SMTNL2: variants seen among roughly 807,000 people sequenced by gnomAD.
The protein encoded by SMTNL2 is smoothelin like 2, also known as smoothelin-like protein 2.
Under a neutral mutation model 44.1 loss-of-function variants are expected in SMTNL2, and 43 were observed. That is an observed-to-expected ratio of 0.98 (90% CI 0.76 to 1.26). The LOEUF (loss-of-function observed/expected upper bound fraction) is 1.26. Ranked by LOEUF, SMTNL2 falls within the 50% of genes most tolerant of loss-of-function variation. The probability of loss-of-function intolerance (pLI) is 0.00; values close to 1 mark genes in which losing one functional copy is unlikely to be tolerated. For synonymous variants in SMTNL2, 317 were observed against 287.6 expected, an observed-to-expected ratio of 1.10 and a Z score of -1.03; for missense variants, 646 against 670.2, an observed-to-expected ratio of 0.96 and a Z score of 0.40.
chr17:4,584,828 G>C lies in SMTNL2; in HGVS notation c.223G>C (p.Glu75Gln), dbSNP rs1290866008. 7 of 1,327,346 alleles carry C rather than the reference G, an allele frequency of 5.3e-6. No homozygotes were observed. Among genetic ancestry groups the C allele is most frequent in the Non-Finnish European group, 6.7e-6 (7 of 1,039,794 alleles). 82.2% of individuals were successfully genotyped at this position (1,327,346 alleles called of 1,614,324 possible). A position where few individuals can be genotyped will look rare whatever the true frequency, so the allele number is the denominator to read the frequency against. ...RDNQRLQAQL[E>Q]RLTRQVEALG... The stretch of plus-strand genomic sequence containing the variant: ...CAACCAGCGGCTGCAGGCGCAGCTC[G>C]AGCGCCTGACGCGCCAGGTGGAGGC... The change falls in exon 1 of 8, where the codon GAG (glutamate) becomes CAG (glutamine). Residue 75 changes from glutamate to glutamine, a missense_variant. By Grantham distance (29) the Glu-to-Gln change is conservative. Coordinates refer to ENST00000389313, the MANE Select transcript of SMTNL2 (RefSeq NM_001114974.2).
Position 4,592,679 on chromosome 17 carries a change from A to G in SMTNL2, c.487+231A>G, listed in dbSNP as rs1204526272. Reference sequence around the variant, plus strand: ...AGTGAGCTCTCCTGTTTCTAGAGGAAAGCAAATAGAGGCTGAGGAGCCGAC... The same window carrying G: ...AGTGAGCTCTCCTGTTTCTAGAGGAGAGCAAATAGAGGCTGAGGAGCCGAC... On this transcript the variant is annotated intron_variant, in intron 2 of 7. Transcript: ENST00000389313. The surrounding 1 kb of genome is among the most constrained non-coding windows in gnomAD (Gnocchi z 4.5). Among the ~76,000 whole-genome samples the G allele has an allele frequency of 6.6e-6, 1 of 152,164 alleles. No homozygotes were observed. Among genetic ancestry groups the G allele is most frequent in the African/African-American group, 2.4e-5 (1 of 41,430 alleles).
intron 6 of SMTNL2, 61 bp downstream of exon 6, chr17:4,597,038 G>C (rs905234137): frequency 1.4e-6 from 2 of 1,478,356 alleles, no homozygotes; most frequent in African/African-American, 2.8e-5. Flanking sequence ...ACCAAGCGTC[G>C]CCCCTGTCCT....
At position 4,595,687 on chromosome 17, in the gene SMTNL2, C is replaced by T. The variant is rs10459901; in HGVS notation, c.989+360C>T. Among the ~76,000 whole-genome samples the T allele has an allele frequency of 6.6e-3, 998 of 152,286 alleles. 45 individuals are homozygous for T. In the East Asian group the frequency reaches 0.12, roughly 18 times the overall value. ...GGCTCCTCTGGTTTCTGGGCATGAC[C>T]GGGGACTGGATGGGGACTGGGATTC... On this transcript the variant is annotated intron_variant, in intron 5 of 7. Transcript: ENST00000389313. This position sits in a 1 kb window ranked among gnomAD's most constrained non-coding sequence, Gnocchi z 5.1.
intron 3 of SMTNL2, 151 bp downstream of exon 3, chr17:4,593,322 T>A (rs1909661448): frequency 8.2e-7 from 1 of 1,220,216 alleles, no homozygotes; most frequent in Non-Finnish European, 1.1e-6. Context: ...CCCCTTCCCT[T>A]AGCCCATCCT....
At position 4,608,071 on chromosome 17, in the gene SMTNL2, T is replaced by G. The variant is rs1910356708; in HGVS notation, c.*584T>G. ...GATGACCTTCAAGTCACCTCCGCTC[T>G]CCGGGGAGATGGGAAGGCTCTCCTC... On this transcript the variant is annotated 3_prime_UTR_variant, in exon 8 of 8. Coordinates refer to ENST00000389313, the MANE Select transcript of SMTNL2 (RefSeq NM_001114974.2). 1 of 152,128 alleles carries G rather than the reference T, an allele frequency of 6.6e-6. No individual in the cohort carries two copies. The highest frequency in any genetic ancestry group is 2.1e-4 in the South Asian group (1 of 4,816). 9.4% of individuals were successfully genotyped at this position (152,128 alleles called of 1,614,324 possible). A position where few individuals can be genotyped will look rare whatever the true frequency, so the allele number is the denominator to read the frequency against.
rs973702593 is a variant in SMTNL2 at position 4,592,309 on chromosome 17, T to C, written c.400-52T>C. The C allele has an allele frequency of 2.3e-5, 28 of 1,241,446 alleles. No homozygotes were observed. Among genetic ancestry groups the C allele is most frequent in the Non-Finnish European group, 2.8e-5 (27 of 963,908 alleles). 76.9% of individuals were successfully genotyped at this position (1,241,446 alleles called of 1,614,324 possible). On this transcript the variant is annotated intron_variant, in intron 1 of 7. Transcript: ENST00000389313. The surrounding 1 kb of genome is among the most constrained non-coding windows in gnomAD (Gnocchi z 4.5). ...TTTGGGGGTGGGCAGCTTTTGGGGG[T>C]GGGCAGCTGGCCCTAGCTGATGGGG...
At chr17:4,604,174 C>G (rs968683074) in intron 7 of SMTNL2, among the ~76,000 whole-genome samples, 1 of 152,122 alleles carries the variant, frequency 6.6e-6, no homozygotes, top group Non-Finnish European at 1.5e-5. Context: ...GCTTTATCAT[C>G]GACAAAGCAC....
At position 4,592,758 on chromosome 17, in the gene SMTNL2, G is replaced by A. The variant is rs1210066232; in HGVS notation, c.488-171G>A. 6.6e-6 allele frequency among the ~76,000 whole-genome samples: 1 copy of A among 152,126 alleles called. No individual in the cohort carries two copies. The highest frequency in any genetic ancestry group is 1.5e-5 in the Non-Finnish European group (1 of 68,010). On this transcript the variant is annotated intron_variant, in intron 2 of 7. Transcript: ENST00000389313. This position sits in a 1 kb window ranked among gnomAD's most constrained non-coding sequence, Gnocchi z 4.5. ...AAGTTGGGAAAAATCAATTCTGGTT[G>A]GAGCAGTAAGATATCCCTGGTAGGG...
At position 4,593,012 on chromosome 17, in the gene SMTNL2, C is replaced by G. The variant is rs112578571; in HGVS notation, c.571C>G (p.Arg191Gly). The G allele has an allele frequency of 1.2e-6, 2 of 1,613,730 alleles. No individual in the cohort carries two copies. Among genetic ancestry groups the G allele is most frequent in the African/African-American group, 2.7e-5 (2 of 74,928 alleles). Reference sequence around the variant, plus strand: ...GCCTCGTCCTGTGAGCCTCTCCTTGCGGCTGCCCCACCAGCCAGTCACGGC... The same window carrying G: ...GCCTCGTCCTGTGAGCCTCTCCTTGGGGCTGCCCCACCAGCCAGTCACGGC... ...PRPRPVSLSL[R>G]LPHQPVTAIT... Residue 191 changes from arginine (R) to glycine (G), a missense_variant, in exon 3 of 8, where the codon CGG becomes GGG. By Grantham distance (125) the Arg-to-Gly change is moderately radical. Coordinates refer to ENST00000389313, the MANE Select transcript of SMTNL2 (RefSeq NM_001114974.2).
At position 4,584,908 on chromosome 17, in the gene SMTNL2, C is replaced by A; in HGVS notation, c.303C>A (p.Ser101Arg). 2 of 1,291,910 alleles carry A rather than the reference C, an allele frequency of 1.5e-6. No homozygotes were observed. Among genetic ancestry groups the A allele is most frequent in the South Asian group, 2.3e-5 (1 of 42,594 alleles). The allele number at this position is 1,291,910 out of a possible 1,614,324, so 80.0% of individuals were successfully genotyped here. The change falls in exon 1 of 8, where the codon AGC becomes AGA. Residue 101 changes from serine (S) to arginine (R), a missense_variant. By Grantham distance (110) the Ser-to-Arg change is moderately radical. Coordinates refer to ENST00000389313, the MANE Select transcript of SMTNL2 (RefSeq NM_001114974.2). ...TGCCCGGCACTCCCGGCACGCCCAG[C>A]CCCCCGCCCGCGCCCGGGGTTCCCG... The part of the protein sequence containing the change: ...SPVPGTPGTP[S>R]PPPAPGVPDR...
chr17:4,607,533 G>T lies in SMTNL2; in HGVS notation c.*46G>T. ...CAAAGAGCAGCCCCAGGAAGAGGCC[G>T]GGGGTCCGCTTGCGATTCCCCAGCC... On this transcript the variant is annotated 3_prime_UTR_variant, in exon 8 of 8. Transcript: ENST00000389313. The surrounding 1 kb of genome is among the most constrained non-coding windows in gnomAD (Gnocchi z 4.7). The T allele has an allele frequency of 6.3e-7, 1 of 1,595,638 alleles. No individual in the cohort carries two copies. Among genetic ancestry groups the T allele is most frequent in the Non-Finnish European group, 8.6e-7 (1 of 1,166,940 alleles).
intron 7 of SMTNL2, among the ~76,000 whole-genome samples, chr17:4,597,882 A>T (rs929326556): frequency 6.6e-6 from 1 of 152,176 alleles, no homozygotes; most frequent in African/African-American, 2.4e-5. Flanking sequence ...TGGGGTCAGG[A>T]GGCACCTGGA....
intron 1 of SMTNL2, among the ~76,000 whole-genome samples, chr17:4,591,651 C>T (rs1251775996): frequency 2.0e-5 from 3 of 152,228 alleles, no homozygotes; most frequent in Admixed American, 1.3e-4. Context: ...AGCCTGCTCC[C>T]GTTTCTCAAA....
chr17:4,606,805 G>A (rs1910295548), intron 7 of SMTNL2, among the ~76,000 whole-genome samples: 1 of 152,136 alleles, frequency 6.6e-6, no homozygotes, highest in African/African-American at 2.4e-5. Context: ...AGCTACTCGG[G>A]AGGCTGAGAC....
At chr17:4,597,087 T>C in intron 6 of SMTNL2, 85 bp from the exon 7 acceptor site, 1 of 1,542,950 alleles carries the variant, frequency 6.5e-7, no homozygotes, top group East Asian at 2.3e-5. Context: ...GAGGCTGGGG[T>C]TAAGGGGTAG....
In SMTNL2 at chr17:4,598,352, G is replaced by C. The variant is rs1286065881; in HGVS notation, c.1259+1029G>C. On this transcript the variant is annotated intron_variant, in intron 7 of 7. Coordinates refer to ENST00000389313, the MANE Select transcript of SMTNL2 (RefSeq NM_001114974.2). The surrounding 1 kb of genome is among the most constrained non-coding windows in gnomAD (Gnocchi z 4.8). ...GCACAGATGAGTGGTGTTCGGGGCTGCCCAATGCTAAGCTCTCTGAAGCTC... is the reference window on the plus strand; with the variant it reads ...GCACAGATGAGTGGTGTTCGGGGCTCCCCAATGCTAAGCTCTCTGAAGCTC... Among the ~76,000 whole-genome samples, 2 of 152,204 alleles carry C rather than the reference G, an allele frequency of 1.3e-5. No homozygotes were observed. Among genetic ancestry groups the C allele is most frequent in the East Asian group, 3.9e-4 (2 of 5,190 alleles).
At chr17:4,597,462 G>A (rs1909867274) in intron 7 of SMTNL2, 139 bp downstream of exon 7, 9 of 1,200,424 alleles carry the variant, frequency 7.5e-6, no homozygotes, top group Admixed American at 2.5e-5. Context: ...CATGTGGTCT[G>A]TGTACCTCTT....
At chr17:4,604,449 C>T (rs909674389) in intron 7 of SMTNL2, among the ~76,000 whole-genome samples, 2 of 152,170 alleles carry the variant, frequency 1.3e-5, no homozygotes, top group African/African-American at 2.4e-5. Context: ...GCAGGGCCTG[C>T]GGGTAATGTT....
intron 1 of SMTNL2, among the ~76,000 whole-genome samples, chr17:4,590,478 A>G (rs34343380): frequency 0.3 from 45,711 of 151,702 alleles, 7,035 homozygotes; most frequent in South Asian, 0.37. Flanking sequence ...CTGTTTTTCC[A>G]TGTTCGTCCT....
Sources: gnomAD v4.1 joint callset for allele counts (sites outside exome capture counted in the v4.1 genomes callset) on GRCh38, gnomAD v4.1.1 for gene constraint, Gnocchi (gnomAD v3.1) non-coding constraint, MANE v1.5 for transcripts, NCBI Gene and HGNC (gene_info 2026-07-23, HGNC 2026-07-21) for gene names.